DRC3: variants seen among roughly 807,000 people sequenced by gnomAD.
DRC3 encodes the protein dynein regulatory complex subunit 3, also known as leucine rich repeat containing 48.
A neutral mutation model predicts 57.6 loss-of-function variants in DRC3; 45 were observed. The ratio of observed to expected loss-of-function variants is 0.78; its 90% CI spans 0.62 to 1.00. The LOEUF is 1.00. Among genes scored for constraint, DRC3 ranks in the 50% least tolerant of loss-of-function variants. The pLI is 0.00. For missense variants in DRC3, 655 were observed against 675.2 expected (o/e 0.97, Z 0.33); for synonymous variants, 257 against 272.3 (o/e 0.94, Z 0.55).
intron 12 of DRC3, chr17:18,007,360 G>A: frequency 6.5e-7 from 1 of 1,545,200 alleles, no homozygotes; most frequent in Non-Finnish European, 8.8e-7. Flanking sequence ...AGTTAAAGAG[G>A]AGCTCATGAT....
intron 10 of DRC3, 116 bp downstream of exon 10, chr17:18,004,610 G>A (rs866053589): frequency 4.6e-5 from 53 of 1,162,060 alleles, no homozygotes; most frequent in Admixed American, 3.9e-4. Flanking sequence ...ACGACTCAGC[G>A]TGGCAGGCTG....
rs894560659 is a variant in DRC3, at chr17:17,994,338, G to A, written c.631G>A (p.Glu211Lys). Residue 211 changes from glutamate to lysine, a missense_variant, in exon 7 of 14, where the codon GAG (glutamate) becomes AAG (lysine). By Grantham distance (56) the Glu-to-Lys change is moderately conservative. Coordinates refer to ENST00000399187, the MANE Select transcript of DRC3 (RefSeq NM_031294.4). ...AEAKHQYSID[E>K]LKHQENLMQA... is the part of the protein sequence containing the mutation. The stretch of plus-strand genomic sequence containing the variant: ...GGCTAAGCACCAGTACAGCATCGAC[G>A]AGCTGAAGCACCAGGAGAACCTGAT... 1.1e-5 allele frequency: 17 copies of A among 1,554,346 alleles called. No homozygotes were observed. Among genetic ancestry groups the A allele is most frequent in the African/African-American group, 8.2e-5 (6 of 73,100 alleles).
At chr17:17,993,301 CAT>C (rs1432398672) in intron 6 of DRC3, 1 of 174,018 alleles carries the variant, frequency 5.7e-6, no homozygotes, top group African/African-American at 2.4e-5. Flanking sequence ...GCCTGGGCAA[CAT>C]AGGGAGACCC....
rs564908329 is a variant in DRC3 at position 17,988,272 on chromosome 17, C to T, written c.444+174C>T. On this transcript the variant is annotated intron_variant, in intron 5 of 13. Transcript: ENST00000399187. Reference sequence around the variant, plus strand: ...TGAGGGATTTGCTCATGTTTAAATACCATGCTTACCCAACAAAATTCATCG... The same window carrying T: ...TGAGGGATTTGCTCATGTTTAAATATCATGCTTACCCAACAAAATTCATCG... 25 of 656,764 alleles carry T rather than the reference C, an allele frequency of 3.8e-5. No individual in the cohort carries two copies. In the African/African-American group the frequency reaches 5.8e-4, roughly 15 times the overall value. The allele number at this position is 656,764 out of a possible 1,614,324, so 40.7% of individuals were successfully genotyped here.
intron 9 of DRC3, among the ~76,000 whole-genome samples, chr17:17,997,931 C>T (rs2043531491): frequency 2.0e-5 from 3 of 152,192 alleles, no homozygotes; most frequent in Non-Finnish European, 2.9e-5. Flanking sequence ...TTATCATCAT[C>T]GTTACTATTA....
chr17:18,016,465 G>A (rs1444603374), intron 13 of DRC3, 93 bp from the exon 14 acceptor site: 1 of 952,510 alleles, frequency 1.0e-6, no homozygotes, highest in African/African-American at 1.6e-5. Flanking sequence ...CAGATCTAAA[G>A]GAACTATTTT....
At chr17:17,982,182 A>G (rs1385933279) in intron 3 of DRC3, among the ~76,000 whole-genome samples, 3 of 150,948 alleles carry the variant, frequency 2.0e-5, no homozygotes, top group Non-Finnish European at 4.4e-5. Context: ...TAGTAGAGAC[A>G]GGGTTTCACC....
chr17:17,993,954 AGAGC>A, intron 6 of DRC3: 2 of 275,848 alleles, frequency 7.3e-6, no homozygotes, highest in Non-Finnish European at 1.4e-5. Flanking sequence ...TGGGAGTGAG[AGAGC>A]AAGTCCTCTG....
chr17:18,000,105 T>A (rs868644059), intron 9 of DRC3, among the ~76,000 whole-genome samples: 3,265 of 141,776 alleles, frequency 0.023, 94 homozygotes, highest in African/African-American at 0.071. Flanking sequence ...TGTGTGTGTG[T>A]GAGCATAGCA....
At chr17:17,994,554 C>T in intron 7 of DRC3, 136 bp downstream of exon 7, 1 of 1,240,262 alleles carries the variant, frequency 8.1e-7, no homozygotes, top group Non-Finnish European at 1.1e-6. Context: ...GGCCTGATGC[C>T]CTCTCCCTTC....
chr17:18,006,555 G>GTGAAAGTTATAGTGTCAAGTTAT (rs1387698210), intron 11 of DRC3: 10 of 463,808 alleles, frequency 2.2e-5, no homozygotes, highest in South Asian at 1.8e-4. Context: ...ACACTATAAG[G>GTGAAAGTTATAGTGTCAAGTTAT]AGTACATCAG....
intron 12 of DRC3, among the ~76,000 whole-genome samples, chr17:18,014,287 G>A (rs1235390588): frequency 1.3e-5 from 2 of 152,184 alleles, no homozygotes; most frequent in African/African-American, 4.8e-5. Flanking sequence ...ACAGCCACAA[G>A]GACCACAGAG....
At chr17:17,993,969 T>C in intron 6 of DRC3, 1 of 314,894 alleles carries the variant, frequency 3.2e-6, no homozygotes, top group Non-Finnish European at 6.2e-6. Flanking sequence ...AAGTCCTCTG[T>C]GGAGAACACC....
intron 12 of DRC3, 74 bp downstream of exon 12, chr17:18,007,221 G>A (rs2044011261): frequency 1.1e-6 from 1 of 886,426 alleles, no homozygotes. Context: ...GAGGCTCTGT[G>A]AGTAAGCCTG....
chr17:17,995,025 C>G lies in DRC3; in HGVS notation c.738C>G (p.Gly246=), dbSNP rs1200552414. 6.2e-7 allele frequency: 1 copy of G among 1,613,910 alleles called. No homozygotes were observed. The highest frequency in any genetic ancestry group is 8.5e-7 in the Non-Finnish European group (1 of 1,179,814). Residue 246 remains glycine (G), a synonymous_variant, in exon 8 of 14, where the codon GGC becomes GGG. Coordinates refer to ENST00000399187, the MANE Select transcript of DRC3 (RefSeq NM_031294.4). ...HKTAFVEHLN[G]SFLFDSMYAE... is the part of the protein sequence containing the mutation. ...CTGCGTTTGTGGAACACCTGAATGG[C>G]TCCTTCCTGTTTGACAGCATGTACG...
chr17:17,986,179 C>T (rs968082952), intron 4 of DRC3, among the ~76,000 whole-genome samples: 6 of 152,126 alleles, frequency 3.9e-5, no homozygotes, highest in African/African-American at 7.2e-5. Flanking sequence ...CGCAAAGTGC[C>T]GGGATTATAG....
At chr17:18,006,778 G>A (rs367570741) in intron 11 of DRC3, 200 of 502,856 alleles carry the variant, frequency 4.0e-4, no homozygotes, top group African/African-American at 3.6e-3. Context: ...TAACCCAGAG[G>A]CCAGGAGCCT....
intron 8 of DRC3, among the ~76,000 whole-genome samples, chr17:17,996,559 A>C (rs2043466740): frequency 6.6e-6 from 1 of 152,176 alleles, no homozygotes; most frequent in Non-Finnish European, 1.5e-5. Context: ...CTCCCACAAC[A>C]CATGGGAATT....
At chr17:17,996,452 T>C (rs1402789132) in intron 8 of DRC3, among the ~76,000 whole-genome samples, 1 of 152,194 alleles carries the variant, frequency 6.6e-6, no homozygotes, top group African/African-American at 2.4e-5. Context: ...GAAACTCCCA[T>C]ATTTAAAACC....
Sources: gnomAD v4.1 joint callset for allele counts (sites outside exome capture counted in the v4.1 genomes callset) on GRCh38, gnomAD v4.1.1 for gene constraint, MANE v1.5 for transcripts, NCBI Gene and HGNC (gene_info 2026-07-23, HGNC 2026-07-21) for gene names.